The following CD163L1 variants were observed in gnomAD, a reference collection of about 807,000 sequenced individuals.
CD163L1 encodes the protein CD163 molecule like 1.
CD163L1 carries 124 observed loss-of-function variants against 165.4 expected under a neutral mutation model. That is an observed-to-expected ratio of 0.75 (90% CI 0.65 to 0.87). CD163L1 has a LOEUF of 0.87. CD163L1 is among the 40% of genes least tolerant of loss of function. The pLI is 0.00. For missense variants in CD163L1, 1,525 were observed against 1,799.9 expected (o/e 0.85, Z 2.76); for synonymous variants, 585 against 662.2 (o/e 0.88, Z 1.79).
At chr12:7,439,086 T>C (rs1388244936) in intron 2 of CD163L1, 1 of 1,576,764 alleles carries the variant, frequency 6.3e-7, no homozygotes, top group Non-Finnish European at 8.6e-7. Context: ...TCCAGCCCTG[T>C]GTCCTGCCCT....
At chr12:7,350,704 T>C (rs1946701067), downstream of CD163L1, among the ~76,000 whole-genome samples, 1 of 152,178 alleles carries the variant, frequency 6.6e-6, no homozygotes, top group South Asian at 2.1e-4. Flanking sequence ...CAGTCAATTC[T>C]AGATGTTTTG....
rs75657773 is a variant in CD163L1 at position 7,371,306 on chromosome 12, G to A, written c.3731-1641C>T. ...AAATGAGAATAAGCCAATAGTCCTG[G>A]ACATTCTTTTTAAGTATTAACAAAT... On this transcript the variant is annotated intron_variant, in intron 14 of 19. Transcript: ENST00000313599. Among the ~76,000 whole-genome samples, 65 of 152,120 alleles carry A rather than the reference G, an allele frequency of 4.3e-4. No homozygotes were observed. The East Asian group carries it at 0.012, about 28-fold the overall frequency.
At chr12:7,358,131 G>C (rs1005399884) in intron 18 of CD163L1, among the ~76,000 whole-genome samples, 8 of 152,144 alleles carry the variant, frequency 5.3e-5, no homozygotes, top group African/African-American at 9.7e-5. Flanking sequence ...CAAAATTGGA[G>C]AGACAGACAG....
chr12:7,357,182 C>G (rs1420901841), intron 19 of CD163L1, among the ~76,000 whole-genome samples, 198 bp downstream of exon 19: 1 of 152,106 alleles, frequency 6.6e-6, no homozygotes, highest in Non-Finnish European at 1.5e-5. Flanking sequence ...CTGATAAACT[C>G]TGTAAATTTT....
At chr12:7,350,257 A>G (rs1425204249), downstream of CD163L1, among the ~76,000 whole-genome samples, 1 of 152,162 alleles carries the variant, frequency 6.6e-6, no homozygotes, top group Non-Finnish European at 1.5e-5. Flanking sequence ...AGTCACAGAG[A>G]TTTCCTAGAC....
chr12:7,393,543 A>G (rs1255592674), intron 8 of CD163L1, among the ~76,000 whole-genome samples: 3 of 152,218 alleles, frequency 2.0e-5, no homozygotes, highest in Non-Finnish European at 4.4e-5. Flanking sequence ...TACCACTCCT[A>G]TTCAACATAG....
intron 8 of CD163L1, among the ~76,000 whole-genome samples, chr12:7,389,567 A>C (rs1161209768): frequency 2.0e-5 from 3 of 152,164 alleles, no homozygotes; most frequent in African/African-American, 7.2e-5. Flanking sequence ...TTTAAAAAAA[A>C]CAGAAAAAAT....
chr12:7,358,437 G>A (rs1688317187), intron 18 of CD163L1, among the ~76,000 whole-genome samples: 1 of 151,926 alleles, frequency 6.6e-6, no homozygotes, highest in South Asian at 2.1e-4. Flanking sequence ...CTTCAGTAGG[G>A]TTCCTATAAA....
chr12:7,407,003 T>A, intron 4 of CD163L1, 151 bp from the exon 5 acceptor site: 2 of 732,642 alleles, frequency 2.7e-6, no homozygotes, highest in Non-Finnish European at 4.4e-6. Context: ...TGTACAAGTT[T>A]AATGTAATAG....
At chr12:7,358,942 A>G (rs1156378681) in intron 18 of CD163L1, among the ~76,000 whole-genome samples, 1 of 152,172 alleles carries the variant, frequency 6.6e-6, no homozygotes, top group African/African-American at 2.4e-5. Context: ...ACACTGTAAT[A>G]GAAACGAAGC....
At position 7,432,699 on chromosome 12, in the gene CD163L1, G is replaced by A. The variant is rs373285362; in HGVS notation, c.483C>T (p.Asn161=). The part of the protein sequence containing the change: ...ANLGLRLVDG[N]NSCSGRVEVK... ...CCTCCACTCTCCCTGAACAGGAGTT[G>A]TTTCCATCCACTAGCCTCAAACCCA... Residue 161 remains asparagine (N), a synonymous_variant, in exon 4 of 20, where the codon AAC becomes AAT. Coordinates refer to ENST00000313599, the MANE Select transcript of CD163L1 (RefSeq NM_174941.6). The surrounding 1 kb of genome is among the most constrained non-coding windows in gnomAD (Gnocchi z 4.2). 1.1e-5 allele frequency: 18 copies of A among 1,612,786 alleles called. No individual in the cohort carries two copies. The highest frequency in any genetic ancestry group is 5.3e-5 in the African/African-American group (4 of 74,882).
At chr12:7,331,852 C>A in the CD163L1 span, among the ~76,000 whole-genome samples, 1 of 152,062 alleles carries the variant, frequency 6.6e-6, no homozygotes, top group African/African-American at 2.4e-5. Context: ...GCAGAAAAAC[C>A]GGAAAATCTA....
chr12:7,393,877 T>C (rs902784726), intron 8 of CD163L1, among the ~76,000 whole-genome samples: 3 of 151,956 alleles, frequency 2.0e-5, no homozygotes, highest in Non-Finnish European at 4.4e-5. Flanking sequence ...TGTGAAGGAC[T>C]TCTTCAAGGA....
rs746474215 is a variant in CD163L1, at chr12:7,428,201, CA to C, written c.766+4214del. ...ATATCCCCTTTATGGTTTTAACTAT[CA>C]TCCAGAAACTAAAATACGGAGTAAA... On this transcript the variant is annotated intron_variant, in intron 4 of 19. Coordinates refer to ENST00000313599, the MANE Select transcript of CD163L1 (RefSeq NM_174941.6). Among the ~76,000 whole-genome samples the C allele has an allele frequency of 1.9e-4, 29 of 152,108 alleles. No individual in the cohort carries two copies. In the East Asian group the frequency reaches 4.6e-3, roughly 24 times the overall value.
chr12:7,438,422 G>C (rs1338721567), intron 2 of CD163L1, among the ~76,000 whole-genome samples: 2 of 152,094 alleles, frequency 1.3e-5, no homozygotes, highest in Non-Finnish European at 2.9e-5. Context: ...TTATTTAATA[G>C]TGGTATACTC....
At chr12:7,439,991 T>C in intron 2 of CD163L1, 4 of 1,542,202 alleles carry the variant, frequency 2.6e-6, no homozygotes, top group Middle Eastern at 2.1e-4. Context: ...TGCTCCATCC[T>C]AGCAGCTCCG....
chr12:7,420,796 T>C (rs1281100650), intron 4 of CD163L1, among the ~76,000 whole-genome samples: 1 of 151,756 alleles, frequency 6.6e-6, no homozygotes, highest in Non-Finnish European at 1.5e-5. Context: ...GGAAATTCCT[T>C]AAAGAACTAA....
At chr12:7,365,836 A>T (rs1020797764) in intron 18 of CD163L1, among the ~76,000 whole-genome samples, 5 of 152,120 alleles carry the variant, frequency 3.3e-5, no homozygotes, top group African/African-American at 1.2e-4. Flanking sequence ...GATAGTCATT[A>T]TGGAAAACTG....
In CD163L1 at chr12:7,398,657, A is replaced by C; in HGVS notation, c.1409-73T>G. On this transcript the variant is annotated intron_variant, in intron 6 of 19. Transcript: ENST00000313599. The surrounding 1 kb of genome is among the most constrained non-coding windows in gnomAD (Gnocchi z 4.5). ...TTTCAGAAGACTGAAAAGACTCTCT[A>C]AATTCACGACTATAAGGCTTTGCCT... is the stretch of plus-strand genomic sequence containing the variant. 1 of 1,312,610 alleles carries C rather than the reference A, an allele frequency of 7.6e-7. No individual in the cohort carries two copies. Among genetic ancestry groups the C allele is most frequent in the Non-Finnish European group, 1.0e-6 (1 of 963,356 alleles). The allele number at this position is 1,312,610 out of a possible 1,614,324, so 81.3% of individuals were successfully genotyped here.
Sources: allele counts gnomAD v4.1 joint callset (sites outside exome capture counted in the v4.1 genomes callset), GRCh38; gene constraint gnomAD v4.1.1; non-coding constraint Gnocchi (gnomAD v3.1); transcripts MANE v1.5; gene names NCBI Gene and HGNC (gene_info 2026-07-23, HGNC 2026-07-21).